The following AMELY variants were observed in gnomAD, a reference collection of about 807,000 sequenced individuals.
AMELY encodes the protein amelogenin Y-linked.
A neutral mutation model predicts 4.2 loss-of-function variants in AMELY; 4 were observed. That is an observed-to-expected ratio of 0.96 (90% confidence interval 0.47 to 2.19). The LOEUF (loss-of-function observed/expected upper bound fraction) is 2.19, where lower values mean the gene tolerates loss of function less well. AMELY is among the 30% of genes most tolerant of loss of function. AMELY has a pLI of 0.02. For missense variants in AMELY, 32 were observed against 41.5 expected, an observed-to-expected ratio of 0.77 and a Z score of 0.63; for synonymous variants, 11 against 14.7, an observed-to-expected ratio of 0.75 and a Z score of 0.57.
intron 1 of AMELY, among the ~76,000 whole-genome samples, chrY:6,884,868 G>C (rs2054077990): frequency 3.1e-5 from 1 of 32,623 alleles, no homozygotes. Flanking sequence ...AATCTGTAAG[G>C]AATTTAAACT....
chrY:6,892,632 A>T, intron 1 of AMELY, among the ~76,000 whole-genome samples: 1 of 33,793 alleles, frequency 3.0e-5, no homozygotes, highest in African/African-American at 1.2e-4. Flanking sequence ...TGGTACTAGT[A>T]GACACTTTCT....
intron 1 of AMELY, among the ~76,000 whole-genome samples, chrY:6,909,199 A>G (rs780044915): frequency 6.1e-5 from 2 of 32,970 alleles, no homozygotes; most frequent in Admixed American, 2.8e-4. Context: ...TTAAGTCCAG[A>G]GCTGTAAAGA....
chrY:6,868,723 T>C lies in AMELY; in HGVS notation c.147+9A>G, dbSNP rs1413902999. Reference sequence around the variant, plus strand: ...TTTTCAGGGAATAAAGAACAAAATGTCTACATACTGGTGGTCTTATCATGC... The same window carrying C: ...TTTTCAGGGAATAAAGAACAAAATGCCTACATACTGGTGGTCTTATCATGC... On this transcript the variant is annotated intron_variant, in intron 5 of 6. Transcript: ENST00000651267. 1.5e-5 allele frequency: 6 copies of C among 392,255 alleles called. No homozygotes were observed. Among genetic ancestry groups the C allele is most frequent in the Non-Finnish European group, 2.2e-5 (6 of 277,915 alleles).
At chrY:6,904,355 A>G (rs964174050) in intron 1 of AMELY, among the ~76,000 whole-genome samples, 1 of 33,903 alleles carries the variant, frequency 2.9e-5, no homozygotes, top group Non-Finnish European at 7.3e-5. Context: ...GAATCAGTAT[A>G]GAACCTCACA....
intron 1 of AMELY, among the ~76,000 whole-genome samples, chrY:6,883,264 T>C (rs2054076389): frequency 3.0e-5 from 1 of 33,124 alleles, no homozygotes; most frequent in Non-Finnish European, 7.4e-5. Context: ...ACCATGCAGT[T>C]ATAAAAAGTG....
chrY:6,907,341 C>A (rs766215657), intron 1 of AMELY, among the ~76,000 whole-genome samples: 2 of 29,479 alleles, frequency 6.8e-5, no homozygotes, highest in East Asian at 1.7e-3. Flanking sequence ...GGCACCACTG[C>A]ACTCCAGACT....
intron 2 of AMELY, among the ~76,000 whole-genome samples, chrY:6,873,671 T>C: frequency 6.0e-5 from 2 of 33,077 alleles, no homozygotes; most frequent in African/African-American, 2.3e-4. Context: ...TTAAAAGTAA[T>C]AAAGATAGCC....
At chrY:6,897,471 C>T in intron 1 of AMELY, among the ~76,000 whole-genome samples, 1 of 32,523 alleles carries the variant, frequency 3.1e-5, no homozygotes, top group African/African-American at 1.2e-4. Flanking sequence ...TCAGTAAGAA[C>T]ACAGCCTCTC....
chrY:6,907,968 G>A, intron 1 of AMELY, among the ~76,000 whole-genome samples: 1 of 32,417 alleles, frequency 3.1e-5, no homozygotes, highest in Admixed American at 2.8e-4. Context: ...TCAGCCTCCT[G>A]AGCAGCTGGG....
chrY:6,885,375 T>A (rs2054079145), intron 1 of AMELY, among the ~76,000 whole-genome samples: 1 of 33,887 alleles, frequency 3.0e-5, no homozygotes, highest in Non-Finnish European at 7.3e-5. Flanking sequence ...CTCAGGAGGC[T>A]GAGGCAGGAG....
intron 1 of AMELY, among the ~76,000 whole-genome samples, 61 bp downstream of exon 1, chrY:6,911,611 AC>A (rs2011694478): frequency 1.6e-4 from 5 of 31,823 alleles, no homozygotes; most frequent in Non-Finnish European, 2.3e-4. Flanking sequence ...TCTGGGGGCA[AC>A]CCCCCCCGCG....
intron 1 of AMELY, among the ~76,000 whole-genome samples, chrY:6,884,559 G>C: frequency 3.1e-5 from 1 of 32,729 alleles, no homozygotes; most frequent in Non-Finnish European, 7.5e-5. Flanking sequence ...GCAAGACCCA[G>C]CAGTATACTG....
At chrY:6,867,125 C>T (rs1038418308) in intron 6 of AMELY, among the ~76,000 whole-genome samples, 4 of 33,368 alleles carry the variant, frequency 1.2e-4, no homozygotes, top group Non-Finnish European at 2.2e-4. Context: ...TTAAAAGAAA[C>T]GAAAATACTC....
At chrY:6,876,426 G>A (rs904503973) in intron 1 of AMELY, among the ~76,000 whole-genome samples, 4 of 33,359 alleles carry the variant, frequency 1.2e-4, no homozygotes, top group African/African-American at 4.7e-4. Flanking sequence ...CATTGTCTAA[G>A]AGAGAATCCT....
chrY:6,888,911 T>TA (rs2054081577), intron 1 of AMELY, among the ~76,000 whole-genome samples: 1 of 9,680 alleles, frequency 1.0e-4, no homozygotes, highest in African/African-American at 4.2e-4. Context: ...TTTATAGAAA[T>TA]AAAAAAAAAT....
Position 6,868,474 on chromosome Y carries a change from C to A in AMELY, c.148-12G>T, listed in dbSNP as rs2054064670. ...CCATAGGAAGAGTACTGGTGAGAAA[C>A]AGAGATGCAGGTTTACCATTGGCTC... is the stretch of plus-strand genomic sequence containing the variant. On this transcript the variant is annotated splice_polypyrimidine_tract_variant and intron_variant, in intron 5 of 6. Coordinates refer to ENST00000651267, the MANE Select transcript of AMELY (RefSeq NM_001143.2). The A allele has an allele frequency of 5.1e-6, 2 of 395,520 alleles. No individual in the cohort carries two copies. The highest frequency in any genetic ancestry group is 1.3e-4 in the African/African-American group (2 of 15,512).
At chrY:6,884,126 T>G in intron 1 of AMELY, among the ~76,000 whole-genome samples, 1 of 32,162 alleles carries the variant, frequency 3.1e-5, no homozygotes, top group Admixed American at 3.0e-4. Flanking sequence ...AAAAAAAGGA[T>G]GAGTTTCTGT....
chrY:6,899,379 C>G, intron 1 of AMELY, among the ~76,000 whole-genome samples: 1 of 33,083 alleles, frequency 3.0e-5, no homozygotes, highest in Non-Finnish European at 7.4e-5. Context: ...GGAAGTAGAA[C>G]CGTGTGGCCA....
At chrY:6,884,057 G>C (rs934327739) in intron 1 of AMELY, among the ~76,000 whole-genome samples, 1 of 32,659 alleles carries the variant, frequency 3.1e-5, no homozygotes, top group Non-Finnish European at 7.5e-5. Context: ...AACTTTTTCA[G>C]TGATAGACTG....
Sources: gnomAD v4.1 joint callset for allele counts (sites outside exome capture counted in the v4.1 genomes callset) on GRCh38, gnomAD v4.1.1 for gene constraint, MANE v1.5 for transcripts, NCBI Gene and HGNC (gene_info 2026-07-23, HGNC 2026-07-21) for gene names.